Variants in SPEF2 observed in about 807,000 individuals in gnomAD.
SPEF2 encodes sperm flagellar and cilia associated 2.
In SPEF2, 187 loss-of-function variants were observed where a neutral mutation model predicts 224.6. The ratio of observed to expected loss-of-function variants is 0.83; its 90% CI spans 0.74 to 0.94. The LOEUF (loss-of-function observed/expected upper bound fraction) is 0.94. Among genes scored for constraint, SPEF2 ranks in the 40% least tolerant of loss-of-function variants. SPEF2 has a pLI of 0.00. For synonymous variants in SPEF2, 715 were observed against 707.3 expected, an observed-to-expected ratio of 1.01 and a Z score of -0.17; for missense variants, 2,170 against 2,135.6, an observed-to-expected ratio of 1.02 and a Z score of -0.32.
At chr5:35,792,147 G>A (rs918114238) in intron 30 of SPEF2, among the ~76,000 whole-genome samples, 193 bp from the exon 31 acceptor site, 6 of 151,940 alleles carry the variant, frequency 3.9e-5, no homozygotes, top group African/African-American at 1.4e-4. Context: ...ACTTAGTTGA[G>A]AAACAATAAT....
At chr5:35,677,335 A>C (rs778350432) in intron 10 of SPEF2, among the ~76,000 whole-genome samples, 1 of 152,182 alleles carries the variant, frequency 6.6e-6, no homozygotes, top group Non-Finnish European at 1.5e-5. Flanking sequence ...TCACTGATAA[A>C]TAAAGCATAG....
Position 35,617,900 on chromosome 5 carries a change from A to C in SPEF2, c.-98A>C. 8.5e-7 allele frequency: 1 copy of C among 1,182,716 alleles called. No homozygotes were observed. The highest frequency in any genetic ancestry group is 1.2e-6 in the Non-Finnish European group (1 of 810,716). The allele number at this position is 1,182,716 out of a possible 1,614,324, so 73.3% of individuals were successfully genotyped here. A position where few individuals can be genotyped will look rare whatever the true frequency, so the allele number is the denominator to read the frequency against. ...TCCAGCCTGGATACGCTTCCATAGC[A>C]AAGGGTTGCCCTTGGCTACAGGAGG... On this transcript the variant is annotated 5_prime_UTR_variant, in exon 1 of 37. Transcript: ENST00000356031.
At chr5:35,795,279 T>C (rs555425803) in intron 32 of SPEF2, among the ~76,000 whole-genome samples, 19 of 151,900 alleles carry the variant, frequency 1.3e-4, no homozygotes, top group African/African-American at 4.3e-4. Context: ...CACAAACAGA[T>C]AGGACATGAA....
chr5:35,709,305 C>T, intron 19 of SPEF2, 184 bp downstream of exon 19: 1 of 1,417,182 alleles, frequency 7.1e-7, no homozygotes, highest in Non-Finnish European at 9.2e-7. Flanking sequence ...GTTACAAAGC[C>T]CAACTTCTTT....
chr5:35,793,274 C>T lies in SPEF2; in HGVS notation c.4670C>T (p.Thr1557Ile). ...PIPLEEELLE[T>I]LQKFKAVDKE... is the part of the protein sequence containing the mutation. ...CCCTTGGAGGAGGAGCTCCTTGAGA[C>T]CCTTCAGAAGTTCAAGGCTGTGGAT... The change falls in exon 32 of 37, where the codon ACC becomes ATC. Residue 1557 changes from threonine to isoleucine, a missense_variant. Coordinates refer to ENST00000356031, the MANE Select transcript of SPEF2 (RefSeq NM_024867.4). 6.2e-7 allele frequency: 1 copy of T among 1,614,182 alleles called. No homozygotes were observed.
intron 20 of SPEF2, among the ~76,000 whole-genome samples, chr5:35,717,679 G>C (rs1337685382): frequency 6.6e-6 from 1 of 152,114 alleles, no homozygotes; most frequent in African/African-American, 2.4e-5. Context: ...CTGCCTGGCA[G>C]TTTGAATCCC....
intron 16 of SPEF2, among the ~76,000 whole-genome samples, chr5:35,703,037 C>T (rs1354476521): frequency 6.6e-6 from 1 of 151,150 alleles, no homozygotes; most frequent in Admixed American, 6.6e-5. Context: ...GGAGATAACT[C>T]CCAAGAAGTT....
At chr5:35,721,768 C>T (rs1743726114) in intron 20 of SPEF2, among the ~76,000 whole-genome samples, 2 of 152,136 alleles carry the variant, frequency 1.3e-5, no homozygotes, top group Non-Finnish European at 2.9e-5. Context: ...AATCCAGTTG[C>T]TGGGTGGGGT....
intron 36 of SPEF2, 102 bp from the exon 37 acceptor site, chr5:35,814,362 T>C (rs1758710703): frequency 1.9e-6 from 1 of 534,714 alleles, no homozygotes; most frequent in African/African-American, 2.0e-5. Context: ...AACTGTTTAA[T>C]GGTTGCCATG....
Position 35,647,000 on chromosome 5 carries a change from G to A in SPEF2, c.726+193G>A, listed in dbSNP as rs548968083. ...TTTTATATTGTTATTTGTTCAGAACGAAGAATGTAGCTTTAGGCCAGCAAT... is the reference window on the plus strand; with the variant it reads ...TTTTATATTGTTATTTGTTCAGAACAAAGAATGTAGCTTTAGGCCAGCAAT... On this transcript the variant is annotated intron_variant, in intron 5 of 36. Transcript: ENST00000356031. 1.4e-4 allele frequency among the ~76,000 whole-genome samples: 22 copies of A among 152,290 alleles called. No individual in the cohort carries two copies. The East Asian group carries it at 1.5e-3, about 11-fold the overall frequency.
chr5:35,681,676 T>G (rs1752824513), intron 10 of SPEF2, among the ~76,000 whole-genome samples: 1 of 152,222 alleles, frequency 6.6e-6, no homozygotes, highest in Non-Finnish European at 1.5e-5. Context: ...TCACAAGTAG[T>G]GATGATAAGG....
At chr5:35,789,835 A>G in intron 30 of SPEF2, 1 of 702,998 alleles carries the variant, frequency 1.4e-6, no homozygotes, top group Non-Finnish European at 2.6e-6. Flanking sequence ...TCCTGACTGC[A>G]CATTATGAAC....
At chr5:35,684,405 G>A (rs1420763707) in intron 10 of SPEF2, among the ~76,000 whole-genome samples, 2 of 152,144 alleles carry the variant, frequency 1.3e-5, no homozygotes, top group East Asian at 3.9e-4. Context: ...CACAGGTCAG[G>A]CTTCAGTTCT....
chr5:35,678,216 T>G (rs566083443), intron 10 of SPEF2, among the ~76,000 whole-genome samples: 2 of 152,330 alleles, frequency 1.3e-5, no homozygotes, highest in East Asian at 3.9e-4. Context: ...ACAGAAGTGA[T>G]CAGATTACTG....
chr5:35,650,259 C>T (rs924988304), intron 6 of SPEF2, among the ~76,000 whole-genome samples: 2 of 152,070 alleles, frequency 1.3e-5, no homozygotes, highest in African/African-American at 4.8e-5. Flanking sequence ...GAAAATTAAG[C>T]AAAATGGAGA....
rs984940866 is a variant in SPEF2, at chr5:35,710,818, T to C, written c.2839+1697T>C. 4.1e-6 allele frequency: 4 copies of C among 985,158 alleles called. No homozygotes were observed. The African/African-American group carries it at 5.2e-5, about 13-fold the overall frequency. The allele number at this position is 985,158 out of a possible 1,614,324, so 61.0% of individuals were successfully genotyped here. On this transcript the variant is annotated intron_variant, in intron 19 of 36. Coordinates refer to ENST00000356031, the MANE Select transcript of SPEF2 (RefSeq NM_024867.4). ...TAATTATATTCTTGAATACTGTGCATTGAAGAAATAATAAATCTATTGTTG... is the reference window on the plus strand; with the variant it reads ...TAATTATATTCTTGAATACTGTGCACTGAAGAAATAATAAATCTATTGTTG...
chr5:35,739,969 T>C lies in SPEF2; in HGVS notation c.3114T>C (p.Tyr1038=). The C allele has an allele frequency of 6.2e-7, 1 of 1,614,140 alleles. No homozygotes were observed. Among genetic ancestry groups the C allele is most frequent in the African/African-American group, 1.3e-5 (1 of 75,054 alleles). The change falls in exon 22 of 37, where the codon TAT becomes TAC. Residue 1038 remains tyrosine, a synonymous_variant. Transcript: ENST00000356031. ...VPYWELIENS[Y]INTIKTVLRH... ...ACTGGGAACTAATAGAAAATTCCTATATAAACACCATCAAAACAGTACTCA... is the reference window on the plus strand; with the variant it reads ...ACTGGGAACTAATAGAAAATTCCTACATAAACACCATCAAAACAGTACTCA...
chr5:35,721,890 T>C (rs1001913853), intron 20 of SPEF2, among the ~76,000 whole-genome samples: 1 of 152,090 alleles, frequency 6.6e-6, no homozygotes, highest in East Asian at 1.9e-4. Context: ...CCCTAGGATG[T>C]AAAGCAAGAT....
rs1020892286 is a variant in SPEF2, at chr5:35,649,406, G to C, written c.772G>C (p.Asp258His). ...GAAGTTCGAAGCATTAATAAAAAAG[G>C]ATCTCCAAGCAAAAGAAAGGTGAGA... ...IKKFEALIKKDLQAKESASKT... is the reference protein window; with the variant it reads ...IKKFEALIKKHLQAKESASKT... The change falls in exon 6 of 37, where the codon GAT becomes CAT. Residue 258 changes from aspartate to histidine, a missense_variant. By Grantham distance (81) the Asp-to-His change is moderately conservative (BLOSUM62 -1). Transcript: ENST00000356031. 4.3e-6 allele frequency: 7 copies of C among 1,611,700 alleles called. No homozygotes were observed. In the African/African-American group the frequency reaches 8.0e-5, roughly 18 times the overall value.
Sources: gnomAD v4.1 joint callset for allele counts (sites outside exome capture counted in the v4.1 genomes callset) on GRCh38, gnomAD v4.1.1 for gene constraint, MANE v1.5 for transcripts, NCBI Gene and HGNC (gene_info 2026-07-23, HGNC 2026-07-21) for gene names.